MAP1B: variants seen among roughly 807,000 people sequenced by gnomAD.
MAP1B encodes the protein microtubule associated protein 1B.
MAP1B carries 12 observed loss-of-function variants against 176.1 expected under a neutral mutation model. That is an observed-to-expected ratio of 0.07 (90% CI 0.04 to 0.11). MAP1B has a LOEUF of 0.11. MAP1B is among the 10% of genes least tolerant of loss of function. The pLI is 1.00. For missense variants in MAP1B, 2,523 were observed against 2,990.5 expected, an observed-to-expected ratio of 0.84 and a Z score of 3.65; for synonymous variants, 1,044 against 1,135.0, an observed-to-expected ratio of 0.92 and a Z score of 1.61.
Position 72,196,330 on chromosome 5 carries a change from C to T in MAP1B, c.2975C>T (p.Ser992Phe). 6.2e-7 allele frequency: 1 copy of T among 1,614,052 alleles called. No homozygotes were observed. Among genetic ancestry groups the T allele is most frequent in the African/African-American group, 1.3e-5 (1 of 75,000 alleles). ...ADAYIREKRE[S>F]VASGDDRAEE... ...GCATACATCAGGGAGAAGAGGGAGT[C>T]TGTGGCCAGTGGGGATGACCGAGCC... The change falls in exon 5 of 7, where the codon TCT becomes TTT. Residue 992 changes from serine (S) to phenylalanine (F), a missense_variant. Ser to Phe is a radical substitution (Grantham distance 155, BLOSUM62 -2). Coordinates refer to ENST00000296755, the MANE Select transcript of MAP1B (RefSeq NM_005909.5). This position sits in a 1 kb window ranked among gnomAD's most constrained non-coding sequence, Gnocchi z 5.3.
chr5:72,197,997 G>C lies in MAP1B; in HGVS notation c.4642G>C (p.Gly1548Arg). Reference protein sequence around the residue: ...VAEDTYSHMEGVASVSTASVA... With the variant: ...VAEDTYSHMERVASVSTASVA... ...AGAAGACACGTACTCTCATATGGAGGGTGTGGCCTCAGTGTCCACAGCCTC... is the reference window on the plus strand; with the variant it reads ...AGAAGACACGTACTCTCATATGGAGCGTGTGGCCTCAGTGTCCACAGCCTC... The change falls in exon 5 of 7, where the codon GGT becomes CGT. Residue 1548 changes from glycine (G) to arginine (R), a missense_variant. Gly to Arg is a moderately radical substitution (Grantham distance 125, BLOSUM62 -2). Coordinates refer to ENST00000296755, the MANE Select transcript of MAP1B (RefSeq NM_005909.5). 3 of 1,614,094 alleles carry C rather than the reference G, an allele frequency of 1.9e-6. No homozygotes were observed. Among genetic ancestry groups the C allele is most frequent in the Non-Finnish European group, 2.5e-6 (3 of 1,180,004 alleles).
chr5:72,134,542 T>C (rs1745796265), intron 2 of MAP1B, among the ~76,000 whole-genome samples: 7 of 152,210 alleles, frequency 4.6e-5, no homozygotes, highest in Admixed American at 3.9e-4. Flanking sequence ...TGCTTCATTT[T>C]GTTAACGGAA....
At chr5:72,116,541 G>T (rs1031548141) in intron 2 of MAP1B, 1 of 336,978 alleles carries the variant, frequency 3.0e-6, no homozygotes, top group Middle Eastern at 3.9e-4. Flanking sequence ...TGCCTCTGGC[G>T]CTGGAGATGT....
At position 72,195,092 on chromosome 5, in the gene MAP1B, A is replaced by C. The variant is rs575588335; in HGVS notation, c.1737A>C (p.Lys579Asn). 2.5e-6 allele frequency: 4 copies of C among 1,614,062 alleles called. No homozygotes were observed. The South Asian group carries it at 3.3e-5, about 13-fold the overall frequency. The change falls in exon 5 of 7, where the codon AAA (lysine) becomes AAC (asparagine). Residue 579 changes from lysine (K) to asparagine (N), a missense_variant. Lys to Asn is a moderately conservative substitution (Grantham distance 94). Around this residue, in one of 4 missense-constraint regions of MAP1B, gnomAD observed 1,925 missense variants for 2,126.0 expected, o/e 0.91. Coordinates refer to ENST00000296755, the MANE Select transcript of MAP1B (RefSeq NM_005909.5). ...TGAATCACGTGGAAAAGCCACCCAA[A>C]GTTGAAAGCAAAGAAAAGGTAATGG... ...TKVNHVEKPP[K>N]VESKEKVMVK...
intron 4 of MAP1B, among the ~76,000 whole-genome samples, chr5:72,191,375 T>G (rs1313422081): frequency 6.6e-6 from 1 of 152,222 alleles, no homozygotes; most frequent in African/African-American, 2.4e-5. Context: ...CATTGTTGGA[T>G]CCTCCTTATG....
At position 72,199,526 on chromosome 5, in the gene MAP1B, T is replaced by G. The variant is rs548994956; in HGVS notation, c.6171T>G (p.Tyr2057Ter). ...CTAGAACCCCTCAGGCATCCACATA[T>G]TCCTACGAGACTTCAGACCTATGCT... ...KITRTPQAST[Y>*]SYETSDLCYT... Residue 2057 changes from tyrosine (Y) to a stop codon, truncating the protein, a stop_gained, in exon 5 of 7, where the codon TAT becomes TAG. Transcript: ENST00000296755. LOFTEE classifies it high-confidence loss of function. The surrounding 1 kb of genome is among the most constrained non-coding windows in gnomAD (Gnocchi z 4.2). The G allele has an allele frequency of 1.4e-5, 23 of 1,614,174 alleles. No individual in the cohort carries two copies. The Admixed American group carries it at 3.3e-4, about 23-fold the overall frequency.
rs1747424451 is a variant in MAP1B at position 72,205,376 on chromosome 5, GGT to G, written c.*139_*140del. 1 of 794,222 alleles carries G rather than the reference GGT, an allele frequency of 1.3e-6. No homozygotes were observed. The allele number at this position is 794,222 out of a possible 1,614,324, so 49.2% of individuals were successfully genotyped here. On this transcript the variant is annotated 3_prime_UTR_variant, in exon 7 of 7. Transcript: ENST00000296755. Reference sequence around the variant, plus strand: ...CCTGCCAAATGCTATACTGTGTCATGGTGATGCAAGTCACTAAATTTCTCAGT... The same window carrying G: ...CCTGCCAAATGCTATACTGTGTCATGGATGCAAGTCACTAAATTTCTCAGT...
In MAP1B at chr5:72,196,364, C is replaced by T; in HGVS notation, c.3009C>T (p.Asp1003=). Residue 1003 remains aspartate, a synonymous_variant, in exon 5 of 7, where the codon GAC becomes GAT. Coordinates refer to ENST00000296755, the MANE Select transcript of MAP1B (RefSeq NM_005909.5). This position sits in a 1 kb window ranked among gnomAD's most constrained non-coding sequence, Gnocchi z 5.3. ...VASGDDRAEE[D]MDEAIEKGEA... ...GTGGGGATGACCGAGCCGAAGAAGA[C>T]ATGGATGAGGCCATTGAGAAAGGAG... 1 of 1,613,966 alleles carries T rather than the reference C, an allele frequency of 6.2e-7. No individual in the cohort carries two copies. The highest frequency in any genetic ancestry group is 8.5e-7 in the Non-Finnish European group (1 of 1,180,014).
chr5:72,167,896 A>G (rs917210547), intron 2 of MAP1B, among the ~76,000 whole-genome samples: 2 of 152,254 alleles, frequency 1.3e-5, no homozygotes, highest in African/African-American at 2.4e-5. Flanking sequence ...ATTTTTCAGA[A>G]CGATGTAGAT....
intron 2 of MAP1B, among the ~76,000 whole-genome samples, chr5:72,134,973 G>A (rs548290133): frequency 6.7e-6 from 1 of 150,202 alleles, no homozygotes; most frequent in Admixed American, 6.7e-5. Flanking sequence ...AAATTAATCA[G>A]GAGCGAGGTG....
intron 2 of MAP1B, among the ~76,000 whole-genome samples, chr5:72,177,982 C>G (rs1437383906): frequency 6.6e-6 from 1 of 151,840 alleles, no homozygotes; most frequent in Non-Finnish European, 1.5e-5. Context: ...TCCTTCTCTT[C>G]TTCCTTCTAA....
At chr5:72,108,140 G>A (rs1302093405) in intron 1 of MAP1B, among the ~76,000 whole-genome samples, 4 of 152,192 alleles carry the variant, frequency 2.6e-5, no homozygotes, top group African/African-American at 9.6e-5. Context: ...CAGACCTGGG[G>A]CCGAAGCCCA....
chr5:72,167,753 T>C (rs1746458261), intron 2 of MAP1B, among the ~76,000 whole-genome samples: 1 of 152,190 alleles, frequency 6.6e-6, no homozygotes, highest in Admixed American at 6.5e-5. Context: ...TATTGATAAG[T>C]AGACTTTCTT....
intron 4 of MAP1B, among the ~76,000 whole-genome samples, chr5:72,191,689 C>T (rs1416754253): frequency 6.6e-6 from 1 of 152,216 alleles, no homozygotes; most frequent in Non-Finnish European, 1.5e-5. Flanking sequence ...TTCAGAGGGA[C>T]CAGATTTTCC....
chr5:72,137,224 T>C (rs754589741), intron 2 of MAP1B, among the ~76,000 whole-genome samples: 4 of 152,206 alleles, frequency 2.6e-5, no homozygotes, highest in Non-Finnish European at 5.9e-5. Flanking sequence ...TAGACTGGTG[T>C]TGACCTCCAC....
At position 72,185,118 on chromosome 5, in the gene MAP1B, G is replaced by A. The variant is rs117366796; in HGVS notation, c.369+1293G>A. Among the ~76,000 whole-genome samples the A allele has an allele frequency of 3.5e-3, 526 of 152,252 alleles. 4 individuals carry two copies. Among genetic ancestry groups the A allele is most frequent in the East Asian group, 0.021 (110 of 5,188 alleles). ...AACAGTTTCAAGGTTCATCCATGTC[G>A]TAGCATGTGTCAGTACTGCATTCGT... is the stretch of plus-strand genomic sequence containing the variant. On this transcript the variant is annotated intron_variant, in intron 3 of 6. Transcript: ENST00000296755.
chr5:72,194,315 A>G lies in MAP1B; in HGVS notation c.960A>G (p.Ile320Met). The G allele has an allele frequency of 6.2e-7, 1 of 1,614,238 alleles. No homozygotes were observed. Among genetic ancestry groups the G allele is most frequent in the South Asian group, 1.1e-5 (1 of 91,082 alleles). The stretch of plus-strand genomic sequence containing the variant: ...TTGGGGATGACAATTTGCCTGGAAT[A>G]AACAGCATGTTACAGCGGAAAATTG... ...THIGDDNLPG[I>M]NSMLQRKIAE... Residue 320 changes from isoleucine (I) to methionine (M), a missense_variant, in exon 5 of 7, where the codon ATA (isoleucine) becomes ATG (methionine). Physicochemically the swap from Ile to Met is conservative, Grantham distance 10 (BLOSUM62 1). Coordinates refer to ENST00000296755, the MANE Select transcript of MAP1B (RefSeq NM_005909.5). This position sits in a 1 kb window ranked among gnomAD's most constrained non-coding sequence, Gnocchi z 7.2.
intron 2 of MAP1B, among the ~76,000 whole-genome samples, chr5:72,168,975 A>G (rs558946376): frequency 6.6e-6 from 1 of 152,332 alleles, no homozygotes; most frequent in East Asian, 1.9e-4. Context: ...TATTCTTTCA[A>G]TTATAATATC....
Position 72,107,730 on chromosome 5 carries a change from G to GC in MAP1B, c.184+20dup, listed in dbSNP as rs147964951. On this transcript the variant is annotated intron_variant, in intron 1 of 6. Transcript: ENST00000296755. ...CATCGAGCTCGGTAAGTGGCCCCGC[G>GC]CCCCCAGAGACGCGCGCTGGGAGAC... 2,443 of 1,597,618 alleles carry GC rather than the reference G, an allele frequency of 1.5e-3. 43 individuals carry two copies. In the African/African-American group the frequency reaches 0.028, roughly 18 times the overall value.
Sources: gnomAD v4.1 joint callset for allele counts (sites outside exome capture counted in the v4.1 genomes callset) on GRCh38, gnomAD v4.1.1 for gene constraint, gnomAD v4.1.1 regional missense constraint, Gnocchi (gnomAD v3.1) non-coding constraint, MANE v1.5 for transcripts, NCBI Gene and HGNC (gene_info 2026-07-23, HGNC 2026-07-21) for gene names.